Variants in EEFSEC observed in about 807,000 individuals in gnomAD.
EEFSEC encodes the protein eukaryotic elongation factor, selenocysteine-tRNA specific.
In EEFSEC, 43 loss-of-function variants were observed where a neutral mutation model predicts 42.1. That is an observed-to-expected ratio of 1.02 (90% confidence interval 0.80 to 1.32). EEFSEC has a LOEUF of 1.32. Among genes scored for constraint, EEFSEC ranks in the 40% most tolerant of loss-of-function variants. The pLI, the probability that EEFSEC is intolerant of heterozygous loss-of-function variation, is 0.00. For missense variants in EEFSEC, 745 were observed against 803.6 expected (o/e 0.93, Z 0.88); for synonymous variants, 354 against 339.1 (o/e 1.04, Z -0.48).
At chr3:128,358,590 C>G (rs2067487585) in intron 6 of EEFSEC, among the ~76,000 whole-genome samples, 1 of 152,144 alleles carries the variant, frequency 6.6e-6, no homozygotes, top group Non-Finnish European at 1.5e-5. Context: ...CTGGTCTGAG[C>G]AGGGTCAAGA....
intron 6 of EEFSEC, among the ~76,000 whole-genome samples, chr3:128,406,156 G>A (rs2068107672): frequency 6.6e-6 from 1 of 152,248 alleles, no homozygotes; most frequent in African/African-American, 2.4e-5. Flanking sequence ...CACTCCCACA[G>A]ATGCAGAGGA....
At chr3:128,214,078 G>C (rs1382481049) in intron 1 of EEFSEC, among the ~76,000 whole-genome samples, 1 of 152,236 alleles carries the variant, frequency 6.6e-6, no homozygotes, top group Non-Finnish European at 1.5e-5. Flanking sequence ...GTATAAGTCA[G>C]TGTTAAATTT....
chr3:128,154,097 A>C (rs1406077665), intron 1 of EEFSEC, among the ~76,000 whole-genome samples: 2 of 152,020 alleles, frequency 1.3e-5, no homozygotes, highest in Non-Finnish European at 2.9e-5. Context: ...ATCCCTACCA[A>C]ATGTGTTTAT....
chr3:128,264,260 G>T (rs1429033035), intron 3 of EEFSEC, among the ~76,000 whole-genome samples: 1 of 152,208 alleles, frequency 6.6e-6, no homozygotes, highest in African/African-American at 2.4e-5. Context: ...GGAAATGCAT[G>T]AGGCCAGGGA....
intron 6 of EEFSEC, among the ~76,000 whole-genome samples, 191 bp downstream of exon 6, chr3:128,358,564 G>A (rs1336169799): frequency 2.0e-5 from 3 of 152,252 alleles, no homozygotes; most frequent in Admixed American, 2.0e-4. Context: ...GAAGAGCCTG[G>A]ATGTGGAGTG....
intron 4 of EEFSEC, among the ~76,000 whole-genome samples, chr3:128,329,457 G>A (rs1470755459): frequency 6.6e-6 from 1 of 150,988 alleles, no homozygotes; most frequent in East Asian, 2.0e-4. Flanking sequence ...ACAGGAGGCA[G>A]GAGCTAAAGG....
chr3:128,212,850 C>T (rs1052987309), intron 1 of EEFSEC, among the ~76,000 whole-genome samples: 10 of 152,156 alleles, frequency 6.6e-5, no homozygotes, highest in Admixed American at 2.0e-4. Flanking sequence ...GAGTTCAAGC[C>T]GGCCACCAGC....
chr3:128,294,580 C>T (rs2066681860), intron 4 of EEFSEC, among the ~76,000 whole-genome samples: 1 of 152,164 alleles, frequency 6.6e-6, no homozygotes, highest in Non-Finnish European at 1.5e-5. Context: ...CATCAGAACT[C>T]ATGACCTTGT....
chr3:128,288,502 C>G (rs1250047291), intron 4 of EEFSEC, among the ~76,000 whole-genome samples: 1 of 152,188 alleles, frequency 6.6e-6, no homozygotes, highest in African/African-American at 2.4e-5. Flanking sequence ...CTCTGGGACC[C>G]CAAGATAGGG....
At chr3:128,170,498 C>CT (rs1170157579) in intron 1 of EEFSEC, among the ~76,000 whole-genome samples, 29 of 149,484 alleles carry the variant, frequency 1.9e-4, no homozygotes, top group Admixed American at 7.3e-4. Flanking sequence ...GAGACCACGT[C>CT]TAAAAAAAAA....
chr3:128,348,902 A>G (rs185172314), intron 5 of EEFSEC, among the ~76,000 whole-genome samples: 13 of 152,344 alleles, frequency 8.5e-5, no homozygotes, highest in African/African-American at 2.6e-4. Flanking sequence ...TGGAGGACAG[A>G]GACTCATGCC....
At chr3:128,294,331 T>C (rs1433088570) in intron 4 of EEFSEC, among the ~76,000 whole-genome samples, 2 of 152,194 alleles carry the variant, frequency 1.3e-5, no homozygotes, top group East Asian at 3.8e-4. Context: ...TTGAAGTACA[T>C]ACAGGAAGAC....
intron 1 of EEFSEC, among the ~76,000 whole-genome samples, chr3:128,180,007 CAG>C (rs1460319972): frequency 2.6e-5 from 4 of 152,110 alleles, no homozygotes; most frequent in South Asian, 2.1e-4. Context: ...CACTAAAACA[CAG>C]AGGAGGGAAT....
chr3:128,380,259 T>C (rs184891927), intron 6 of EEFSEC, among the ~76,000 whole-genome samples: 1 of 152,362 alleles, frequency 6.6e-6, no homozygotes, highest in East Asian at 1.9e-4. Flanking sequence ...CTTTTATATC[T>C]TACCTCCCCT....
At chr3:128,362,987 A>C (rs1015968435) in intron 6 of EEFSEC, among the ~76,000 whole-genome samples, 1 of 152,180 alleles carries the variant, frequency 6.6e-6, no homozygotes, top group Admixed American at 6.5e-5. Flanking sequence ...AAAAAGAAAA[A>C]AAATTTGTAG....
chr3:128,267,310 A>G (rs187983565), intron 4 of EEFSEC, among the ~76,000 whole-genome samples: 2 of 152,262 alleles, frequency 1.3e-5, no homozygotes, highest in East Asian at 3.9e-4. Flanking sequence ...TCAGGATGCC[A>G]GTTACTGATC....
intron 1 of EEFSEC, among the ~76,000 whole-genome samples, chr3:128,178,732 C>T (rs562631612): frequency 9.2e-5 from 14 of 152,276 alleles, no homozygotes; most frequent in African/African-American, 2.9e-4. Flanking sequence ...TTTTTCTGTA[C>T]GGTCTATCAA....
chr3:128,346,668 A>G (rs2067315404), intron 5 of EEFSEC, among the ~76,000 whole-genome samples: 1 of 152,208 alleles, frequency 6.6e-6, no homozygotes, highest in Admixed American at 6.5e-5. Flanking sequence ...TCACTGGGTG[A>G]GGTACTGCAA....
intron 6 of EEFSEC, among the ~76,000 whole-genome samples, chr3:128,363,205 C>G (rs2067549323): frequency 6.6e-6 from 1 of 152,220 alleles, no homozygotes; most frequent in Admixed American, 6.5e-5. Context: ...CACCTCGTTT[C>G]ACTGCACAAG....
Sources: allele counts gnomAD v4.1 joint callset (sites outside exome capture counted in the v4.1 genomes callset), GRCh38; gene constraint gnomAD v4.1.1; transcripts MANE v1.5; gene names NCBI Gene and HGNC (gene_info 2026-07-23, HGNC 2026-07-21).